The following CPE variants were observed in gnomAD, a reference collection of about 807,000 sequenced individuals.
CPE encodes carbocypeptidase E.
A neutral mutation model predicts 53.5 loss-of-function variants in CPE; 17 were observed. The ratio of observed to expected loss-of-function variants is 0.32; its 90% CI spans 0.22 to 0.48. The LOEUF (loss-of-function observed/expected upper bound fraction) is 0.48. Among genes scored for constraint, CPE ranks in the 20% least tolerant of loss-of-function variants. The pLI is 0.99. For synonymous variants in CPE, 226 were observed against 228.8 expected, an observed-to-expected ratio of 0.99 and a Z score of 0.11; for missense variants, 524 against 614.7, an observed-to-expected ratio of 0.85 and a Z score of 1.56.
intron 1 of CPE, chr4:165,386,385 A>C: frequency 2.4e-6 from 1 of 415,848 alleles, no homozygotes; most frequent in Non-Finnish European, 4.7e-6. Flanking sequence ...CATAGTGGCC[A>C]CTCAGTGAAT....
intron 1 of CPE, among the ~76,000 whole-genome samples, chr4:165,415,775 A>G (rs34485171): frequency 0.3 from 44,977 of 151,822 alleles, 6,821 homozygotes; most frequent in Middle Eastern, 0.39. Flanking sequence ...ACATACATAC[A>G]TATAGTACAT....
At chr4:165,492,943 T>C (rs981467974) in intron 6 of CPE, among the ~76,000 whole-genome samples, 3 of 152,192 alleles carry the variant, frequency 2.0e-5, no homozygotes, top group African/African-American at 7.2e-5. Context: ...TAAAATCTTT[T>C]TTTTGGGAAG....
At chr4:165,400,349 A>G (rs1439642902) in intron 1 of CPE, among the ~76,000 whole-genome samples, 3 of 152,190 alleles carry the variant, frequency 2.0e-5, no homozygotes, top group Non-Finnish European at 2.9e-5. Flanking sequence ...GAGAAAGTGT[A>G]TCAGGCAGAA....
chr4:165,435,223 A>G (rs1437844779), intron 1 of CPE, among the ~76,000 whole-genome samples: 1 of 152,206 alleles, frequency 6.6e-6, no homozygotes, highest in Non-Finnish European at 1.5e-5. Flanking sequence ...AAGTTATAGG[A>G]AAAAAGATGG....
rs991190219 is a variant in CPE at position 165,498,006 on chromosome 4, T to C, written c.*396T>C. ...CACATAATGAATGCTATTGAAAAGG[T>C]TAACAGATACAGCTCGGAGTTGTGA... is the stretch of plus-strand genomic sequence containing the variant. On this transcript the variant is annotated 3_prime_UTR_variant, in exon 9 of 9. Transcript: ENST00000402744. The C allele has an allele frequency of 3.3e-5, 5 of 152,662 alleles. No homozygotes were observed. Among genetic ancestry groups the C allele is most frequent in the African/African-American group, 1.2e-4 (5 of 41,478 alleles). 9.5% of individuals were successfully genotyped at this position (152,662 alleles called of 1,614,324 possible). A position where few individuals can be genotyped will look rare whatever the true frequency, so the allele number is the denominator to read the frequency against.
chr4:165,441,241 T>C (rs1731604626), intron 1 of CPE, among the ~76,000 whole-genome samples: 1 of 152,128 alleles, frequency 6.6e-6, no homozygotes, highest in Non-Finnish European at 1.5e-5. Flanking sequence ...GTGAAAGTGT[T>C]TTCAATGGCT....
chr4:165,475,297 A>T (rs532808045), intron 3 of CPE, among the ~76,000 whole-genome samples: 3 of 152,346 alleles, frequency 2.0e-5, no homozygotes, highest in African/African-American at 7.2e-5. Flanking sequence ...GGTAACAGGG[A>T]CAAAAAGTAT....
intron 1 of CPE, among the ~76,000 whole-genome samples, chr4:165,429,885 C>T (rs1159938374): frequency 6.6e-6 from 1 of 152,032 alleles, no homozygotes; most frequent in East Asian, 1.9e-4. Context: ...GTATAGATGA[C>T]TAACAGGTAA....
intron 1 of CPE, among the ~76,000 whole-genome samples, chr4:165,416,269 T>C (rs951127225): frequency 4.6e-5 from 7 of 152,192 alleles, no homozygotes; most frequent in African/African-American, 1.4e-4. Flanking sequence ...TCACCGATCC[T>C]CTGGCCCTGA....
At position 165,484,694 on chromosome 4, in the gene CPE, C is replaced by A; in HGVS notation, c.973+90C>A. The A allele has an allele frequency of 7.5e-6, 9 of 1,205,626 alleles. No homozygotes were observed. In the African/African-American group the frequency reaches 7.7e-5, roughly 10 times the overall value. The allele number at this position is 1,205,626 out of a possible 1,614,324, so 74.7% of individuals were successfully genotyped here. On this transcript the variant is annotated intron_variant, in intron 5 of 8. Coordinates refer to ENST00000402744, the MANE Select transcript of CPE (RefSeq NM_001873.4). ...AGAGAGTGATTTAGATTTAGAGAAT[C>A]TTCAATCGTCCTCCATCATTAAAAA... is the stretch of plus-strand genomic sequence containing the variant.
chr4:165,461,326 G>A (rs1319056978), intron 1 of CPE, among the ~76,000 whole-genome samples: 2 of 152,028 alleles, frequency 1.3e-5, no homozygotes, highest in African/African-American at 2.4e-5. Context: ...AGCATTATAG[G>A]GACGAGCCTC....
At chr4:165,396,695 T>C (rs1730771444) in intron 1 of CPE, among the ~76,000 whole-genome samples, 1 of 144,292 alleles carries the variant, frequency 6.9e-6, no homozygotes, top group Non-Finnish European at 1.5e-5. Flanking sequence ...ATAAGGGAGA[T>C]TATTAAAAAC....
At chr4:165,455,599 T>G (rs1731886874) in intron 1 of CPE, among the ~76,000 whole-genome samples, 1 of 152,318 alleles carries the variant, frequency 6.6e-6, no homozygotes, top group African/African-American at 2.4e-5. Flanking sequence ...TTATCTGATT[T>G]GTATATTAAA....
At chr4:165,392,121 G>A (rs1424520571) in intron 1 of CPE, among the ~76,000 whole-genome samples, 1 of 150,642 alleles carries the variant, frequency 6.6e-6, no homozygotes, top group Non-Finnish European at 1.5e-5. Flanking sequence ...GTGCTTTGGG[G>A]CTGATTTCCC....
At chr4:165,424,443 T>C (rs1160811045) in intron 1 of CPE, among the ~76,000 whole-genome samples, 1 of 152,136 alleles carries the variant, frequency 6.6e-6, no homozygotes, top group Non-Finnish European at 1.5e-5. Flanking sequence ...TTTGATTTTA[T>C]TATTTTTATC....
chr4:165,384,613 C>T (rs753685845), intron 1 of CPE, among the ~76,000 whole-genome samples: 4 of 152,134 alleles, frequency 2.6e-5, no homozygotes, highest in Non-Finnish European at 5.9e-5. Flanking sequence ...GAGACCCTAT[C>T]TCAGAAACAA....
intron 1 of CPE, among the ~76,000 whole-genome samples, chr4:165,461,574 G>A (rs1467878017): frequency 6.6e-6 from 1 of 152,124 alleles, no homozygotes; most frequent in Admixed American, 6.6e-5. Flanking sequence ...AGGGGTGGGA[G>A]GAATATCCCA....
Position 165,484,500 on chromosome 4 carries a change from C to A in CPE, c.869C>A (p.Pro290Gln). 1 of 1,614,124 alleles carries A rather than the reference C, an allele frequency of 6.2e-7. No homozygotes were observed. The highest frequency in any genetic ancestry group is 8.5e-7 in the Non-Finnish European group (1 of 1,179,988). The part of the protein sequence containing the change: ...SLARAYSSFN[P>Q]AMSDPNRPPC... ...GCCCGGGCATACTCTTCTTTCAACC[C>A]GGCCATGTCTGACCCCAATCGGCCA... Residue 290 changes from proline to glutamine, a missense_variant, in exon 5 of 9, where the codon CCG becomes CAG. Transcript: ENST00000402744.
intron 1 of CPE, among the ~76,000 whole-genome samples, chr4:165,412,479 G>GT (rs1731057480): frequency 6.6e-6 from 1 of 152,170 alleles, no homozygotes; most frequent in East Asian, 1.9e-4. Flanking sequence ...TCTCAATAAA[G>GT]CCTATGAATC....
Sources: allele counts gnomAD v4.1 joint callset (sites outside exome capture counted in the v4.1 genomes callset), GRCh38; gene constraint gnomAD v4.1.1; transcripts MANE v1.5; gene names NCBI Gene and HGNC (gene_info 2026-07-23, HGNC 2026-07-21).